Variants in MELK observed in about 807,000 individuals in gnomAD.
MELK encodes pEg3 kinase.
MELK carries 81 observed loss-of-function variants against 85.0 expected under a neutral mutation model. The ratio of observed to expected loss-of-function variants is 0.95; its 90% CI spans 0.80 to 1.15. The LOEUF (loss-of-function observed/expected upper bound fraction) is 1.15, where lower values mean the gene tolerates loss of function less well. MELK is among the 50% of genes most tolerant of loss of function. The probability of loss-of-function intolerance (pLI) is 0.00; values close to 1 mark genes in which losing one functional copy is unlikely to be tolerated. For synonymous variants in MELK, 252 were observed against 265.0 expected (o/e 0.95, Z 0.48); for missense variants, 754 against 777.5 (o/e 0.97, Z 0.36).
chr9:36,668,234 A>T (rs1832566498), intron 14 of MELK, among the ~76,000 whole-genome samples: 1 of 152,172 alleles, frequency 6.6e-6, no homozygotes. Context: ...AATATTTCTG[A>T]TTGCTCTTAT....
At chr9:36,676,280 A>G (rs534867052) in intron 17 of MELK, among the ~76,000 whole-genome samples, 2 of 152,244 alleles carry the variant, frequency 1.3e-5, no homozygotes, top group Non-Finnish European at 2.9e-5. Flanking sequence ...AACTGAAACA[A>G]TGTAACTTCT....
At chr9:36,671,496 T>C (rs146945205) in intron 16 of MELK, among the ~76,000 whole-genome samples, 1 of 152,248 alleles carries the variant, frequency 6.6e-6, no homozygotes, top group Non-Finnish European at 1.5e-5. Context: ...TTGAGCTCAG[T>C]TGTGTCCCTG....
intron 7 of MELK, among the ~76,000 whole-genome samples, chr9:36,606,582 A>G (rs1370560998): frequency 6.8e-6 from 1 of 146,458 alleles, no homozygotes; most frequent in Non-Finnish European, 1.5e-5. Flanking sequence ...ATATATACAT[A>G]TGTATAGGTG....
intron 13 of MELK, among the ~76,000 whole-genome samples, chr9:36,660,751 G>C (rs981899749): frequency 1.3e-5 from 2 of 151,958 alleles, no homozygotes; most frequent in African/African-American, 2.4e-5. Context: ...CAGCACTTTG[G>C]GGGGCTGAGG....
At chr9:36,661,070 A>G (rs1831763235) in intron 13 of MELK, among the ~76,000 whole-genome samples, 1 of 152,176 alleles carries the variant, frequency 6.6e-6, no homozygotes, top group Non-Finnish European at 1.5e-5. Flanking sequence ...CAGGCTAAAT[A>G]ATGACAGTTT....
intron 1 of MELK, among the ~76,000 whole-genome samples, chr9:36,577,431 G>A (rs1821769138): frequency 6.6e-6 from 1 of 152,046 alleles, no homozygotes; most frequent in African/African-American, 2.4e-5. Context: ...CAGGAAAATA[G>A]CTTGAACCTG....
intron 8 of MELK, among the ~76,000 whole-genome samples, chr9:36,627,053 A>AACACACACACACACAC (rs10608377): frequency 0.015 from 2,120 of 140,934 alleles, 59 homozygotes; most frequent in Middle Eastern, 0.05. Context: ...CACAAGCGCA[A>AACACACACACACACAC]ACACACACAC....
chr9:36,659,888 C>T (rs773478117), intron 13 of MELK, among the ~76,000 whole-genome samples: 2 of 152,182 alleles, frequency 1.3e-5, no homozygotes, highest in Non-Finnish European at 2.9e-5. Flanking sequence ...CGATTTTCGC[C>T]TCCTGGGTTC....
At chr9:36,644,019 A>G (rs73439136) in intron 11 of MELK, among the ~76,000 whole-genome samples, 1,970 of 152,256 alleles carry the variant, frequency 0.013, 43 homozygotes, top group African/African-American at 0.044. Flanking sequence ...AAAGTTCTCT[A>G]ACATGCAACT....
chr9:36,655,999 T>C (rs2137426621), intron 12 of MELK, among the ~76,000 whole-genome samples: 1 of 152,120 alleles, frequency 6.6e-6, no homozygotes, highest in East Asian at 1.9e-4. Flanking sequence ...AGATTAACAA[T>C]ATATCGAGGG....
intron 13 of MELK, 33 bp from the exon 14 acceptor site, chr9:36,665,317 A>G (rs774027164): frequency 1.2e-5 from 16 of 1,348,454 alleles, no homozygotes; most frequent in East Asian, 2.3e-5. Context: ...TTTCTTCTTC[A>G]GTGTGCTTTA....
At chr9:36,588,412 T>C (rs1823177217) in intron 3 of MELK, among the ~76,000 whole-genome samples, 1 of 131,862 alleles carries the variant, frequency 7.6e-6, no homozygotes. Context: ...GGAGTTTCGC[T>C]CTTGTTGCCC....
At chr9:36,605,112 G>C (rs1039831928) in intron 7 of MELK, among the ~76,000 whole-genome samples, 4 of 152,030 alleles carry the variant, frequency 2.6e-5, no homozygotes, top group African/African-American at 7.2e-5. Context: ...TGCTGGTCTT[G>C]AACTCCCTAC....
chr9:36,583,858 G>C (rs1822529182), intron 3 of MELK, 146 bp downstream of exon 3: 1 of 582,848 alleles, frequency 1.7e-6, no homozygotes, highest in Non-Finnish European at 2.9e-6. Flanking sequence ...GTTTTAAAAA[G>C]TAATCTGGGG....
intron 11 of MELK, among the ~76,000 whole-genome samples, chr9:36,649,585 A>G (rs1830510783): frequency 6.6e-6 from 1 of 152,086 alleles, no homozygotes; most frequent in Non-Finnish European, 1.5e-5. Flanking sequence ...CCTGGACAAC[A>G]TGGTGAAACC....
chr9:36,609,435 CTCTT>C (rs915492437), intron 8 of MELK, among the ~76,000 whole-genome samples: 3 of 150,710 alleles, frequency 2.0e-5, no homozygotes, highest in Non-Finnish European at 4.4e-5. Context: ...ATGCTTCACT[CTCTT>C]TCTTCTTCTT....
intron 10 of MELK, among the ~76,000 whole-genome samples, chr9:36,637,737 T>C (rs1403397896): frequency 6.6e-6 from 1 of 152,172 alleles, no homozygotes; most frequent in Non-Finnish European, 1.5e-5. Flanking sequence ...CCAGCTCGTC[T>C]TGGAAAGATA....
intron 7 of MELK, among the ~76,000 whole-genome samples, chr9:36,601,288 T>C (rs1824897442): frequency 6.6e-6 from 1 of 152,204 alleles, no homozygotes; most frequent in South Asian, 2.1e-4. Flanking sequence ...ATTTAGTTAT[T>C]GTGTCTCTTT....
chr9:36,672,317 C>T (rs890673325), intron 16 of MELK, among the ~76,000 whole-genome samples: 4 of 151,660 alleles, frequency 2.6e-5, no homozygotes, highest in African/African-American at 4.8e-5. Flanking sequence ...TTTCAAGCAC[C>T]GACACTGAGA....
Sources: allele counts gnomAD v4.1 joint callset (sites outside exome capture counted in the v4.1 genomes callset), GRCh38; gene constraint gnomAD v4.1.1; transcripts MANE v1.5; gene names NCBI Gene and HGNC (gene_info 2026-07-23, HGNC 2026-07-21).